MED6: variants seen among roughly 807,000 people sequenced by gnomAD.
The protein encoded by MED6 is mediator of RNA polymerase II transcription subunit 6.
In MED6, 33 loss-of-function variants were observed where a neutral mutation model predicts 37.5. The observed-to-expected ratio is 0.88, with a 90% CI of 0.67 to 1.18. The LOEUF (loss-of-function observed/expected upper bound fraction) is 1.18, where lower values mean the gene tolerates loss of function less well. Ranked by LOEUF, MED6 falls within the 50% of genes most tolerant of loss-of-function variation. The probability of loss-of-function intolerance (pLI) is 0.00; values close to 1 mark genes in which losing one functional copy is unlikely to be tolerated. For missense variants in MED6, 235 were observed against 290.6 expected, an observed-to-expected ratio of 0.81 and a Z score of 1.39; for synonymous variants, 94 against 93.6, an observed-to-expected ratio of 1.00 and a Z score of -0.02.
At chr14:70,594,341 C>A (rs1175275564) in intron 3 of MED6, among the ~76,000 whole-genome samples, 1 of 152,170 alleles carries the variant, frequency 6.6e-6, no homozygotes, top group African/African-American at 2.4e-5. Context: ...GTTTCTAAAC[C>A]AAGCTTTCAG....
Position 70,584,895 on chromosome 14 carries a change from G to A in MED6, c.659C>T (p.Pro220Leu). The change falls in exon 8 of 8, where the codon CCT becomes CTT. Residue 220 changes from proline to leucine, a missense_variant. Coordinates refer to ENST00000256379, the MANE Select transcript of MED6 (RefSeq NM_005466.4). ...EAEPIPETVK[P>L]EEKETTKNVQ... The stretch of plus-strand genomic sequence containing the variant: ...ATTCTTTGTGGTCTCCTTCTCCTCA[G>A]GTTTTACAGTTTCTGGTATAGGTTC... The A allele has an allele frequency of 6.2e-7, 1 of 1,613,896 alleles. No homozygotes were observed. The highest frequency in any genetic ancestry group is 1.1e-5 in the South Asian group (1 of 91,076).
chr14:70,586,932 T>G (rs1321282981), intron 6 of MED6, among the ~76,000 whole-genome samples: 2 of 152,240 alleles, frequency 1.3e-5, no homozygotes, highest in African/African-American at 4.8e-5. Context: ...ACTTGGATTT[T>G]TGGAGGGTTC....
At chr14:70,592,769 T>C in intron 5 of MED6, 111 bp downstream of exon 5, 2 of 1,218,014 alleles carry the variant, frequency 1.6e-6, no homozygotes, top group South Asian at 1.4e-5. Flanking sequence ...CATCATCCCA[T>C]GAAAAAGTGA....
At position 70,597,717 on chromosome 14, in the gene MED6, C is replaced by T; in HGVS notation, c.83G>A (p.Ser28Asn). The change falls in exon 2 of 8, where the codon AGT becomes AAT. Residue 28 changes from serine (S) to asparagine (N), a missense_variant. Coordinates refer to ENST00000256379, the MANE Select transcript of MED6 (RefSeq NM_005466.4). ...TCTTTCTGAAAAGTAATCCAGGACA[C>T]TACCACTGTTCAAAATAGGGATCCA... is the stretch of plus-strand genomic sequence containing the variant. ...SSWIPILNSGSVLDYFSERSN... is the reference protein window; with the variant it reads ...SSWIPILNSGNVLDYFSERSN... 1 of 1,564,164 alleles carries T rather than the reference C, an allele frequency of 6.4e-7. No homozygotes were observed. The highest frequency in any genetic ancestry group is 1.2e-5 in the South Asian group (1 of 81,502).
At chr14:70,597,285 T>C (rs1023570992) in intron 2 of MED6, among the ~76,000 whole-genome samples, 1 of 152,228 alleles carries the variant, frequency 6.6e-6, no homozygotes, top group Non-Finnish European at 1.5e-5. Context: ...TCAACAGTTG[T>C]TTCAAATACT....
chr14:70,584,058 G>A lies in MED6; in HGVS notation c.*755C>T. The A allele has an allele frequency of 1.6e-6, 1 of 607,790 alleles. No individual in the cohort carries two copies. The highest frequency in any genetic ancestry group is 2.2e-5 in the South Asian group (1 of 46,140). 37.6% of individuals were successfully genotyped at this position (607,790 alleles called of 1,614,324 possible). ...GTATTTATAGGGTAATGGTATTGGT[G>A]AGTGAGGTTTTTCCTTTTCTTCATC... is the stretch of plus-strand genomic sequence containing the variant. On this transcript the variant is annotated 3_prime_UTR_variant, in exon 8 of 8. Coordinates refer to ENST00000256379, the MANE Select transcript of MED6 (RefSeq NM_005466.4).
At position 70,596,621 on chromosome 14, in the gene MED6, GGACT is replaced by G; in HGVS notation, c.260_263del (p.Gln87ProfsTer8). 1.9e-6 allele frequency: 3 copies of G among 1,612,286 alleles called. No homozygotes were observed. The highest frequency in any genetic ancestry group is 2.5e-6 in the Non-Finnish European group (3 of 1,178,508). ...GTTTACACATTTTACCTTGGGCAGG[GGACT>G]GCCGCTGTTGCTTCCGAATGATGAA... On this transcript the variant is annotated frameshift_variant, in exon 3 of 8. Transcript: ENST00000256379. LOFTEE classifies it high-confidence loss of function.
chr14:70,592,584 T>C (rs903625888), intron 5 of MED6: 2 of 183,300 alleles, frequency 1.1e-5, no homozygotes, highest in Non-Finnish European at 2.2e-5. Context: ...TGCCTTGGCA[T>C]TCCAAAGTGC....
intron 5 of MED6, chr14:70,592,408 A>G (rs1348547890): frequency 6.5e-6 from 1 of 152,864 alleles, no homozygotes; most frequent in Non-Finnish European, 1.5e-5. Context: ...AGATACCAAG[A>G]TAACTCAACA....
Position 70,596,699 on chromosome 14 carries a change from C to G in MED6, c.186G>C (p.Gln62His), listed in dbSNP as rs1885058953. 2 of 1,612,448 alleles carry G rather than the reference C, an allele frequency of 1.2e-6. No homozygotes were observed. Among genetic ancestry groups the G allele is most frequent in the Admixed American group, 1.7e-5 (1 of 59,934 alleles). The change falls in exon 3 of 8, where the codon CAG becomes CAC. Residue 62 changes from glutamine (Q) to histidine (H), a missense_variant. By Grantham distance (24) the Gln-to-His change is conservative. Coordinates refer to ENST00000256379, the MANE Select transcript of MED6 (RefSeq NM_005466.4). ...MQRLTLEHLN[Q>H]MVGIEYILLH... ...AAAGGATGTACTCGATTCCAACCAT[C>G]TGACTGAAAACAGAACACAGACATC...
intron 6 of MED6, among the ~76,000 whole-genome samples, chr14:70,586,769 C>T (rs1019865267): frequency 3.3e-5 from 5 of 152,306 alleles, no homozygotes; most frequent in Middle Eastern, 3.4e-3. Context: ...CCTACTCCAA[C>T]TGCAAGTCCT....
At chr14:70,594,375 C>T (rs768354264) in intron 3 of MED6, among the ~76,000 whole-genome samples, 1 of 152,156 alleles carries the variant, frequency 6.6e-6, no homozygotes, top group Non-Finnish European at 1.5e-5. Flanking sequence ...CCACGCAAGG[C>T]TTTTAGTTGA....
At chr14:70,589,806 G>A (rs938367165) in intron 6 of MED6, among the ~76,000 whole-genome samples, 1 of 152,046 alleles carries the variant, frequency 6.6e-6, no homozygotes, top group South Asian at 2.1e-4. Flanking sequence ...CAAACACAGA[G>A]TAAACCTTCA....
chr14:70,594,157 G>C (rs1884971957), intron 3 of MED6, among the ~76,000 whole-genome samples: 1 of 152,178 alleles, frequency 6.6e-6, no homozygotes, highest in Non-Finnish European at 1.5e-5. Context: ...ATCCAATTGA[G>C]AGATGTAGCT....
chr14:70,593,191 T>G (rs1274425406), intron 4 of MED6, 105 bp downstream of exon 4: 1 of 1,255,132 alleles, frequency 8.0e-7, no homozygotes, highest in Non-Finnish European at 1.1e-6. Context: ...TAGTCAATAC[T>G]TTATAGCAAC....
In MED6 at chr14:70,597,476, T is replaced by A. The variant is rs184821479; in HGVS notation, c.182+142A>T. The A allele has an allele frequency of 1.5e-3, 814 of 534,330 alleles. 6 individuals carry two copies. Among genetic ancestry groups the A allele is most frequent in the African/African-American group, 0.015 (761 of 50,274 alleles). The allele number at this position is 534,330 out of a possible 1,614,324, so 33.1% of individuals were successfully genotyped here. A position where few individuals can be genotyped will look rare whatever the true frequency, so the allele number is the denominator to read the frequency against. On this transcript the variant is annotated intron_variant, in intron 2 of 7. Transcript: ENST00000256379. ...AGTGAATACTAATAGTTACCCTGCA[T>A]GTCAAATTTGCATAAACCCAAACAA...
intron 6 of MED6, among the ~76,000 whole-genome samples, chr14:70,588,823 G>T (rs1595047989): frequency 6.6e-6 from 1 of 151,524 alleles, no homozygotes; most frequent in Admixed American, 6.6e-5. Flanking sequence ...GGTAGAGGGG[G>T]TTTCATTTTT....
At chr14:70,599,625 C>A (rs1262777127) in intron 1 of MED6, among the ~76,000 whole-genome samples, 1 of 152,184 alleles carries the variant, frequency 6.6e-6, no homozygotes, top group African/African-American at 2.4e-5. Context: ...GCCACACTGA[C>A]CTCCTTGCTG....
intron 5 of MED6, 147 bp downstream of exon 5, chr14:70,592,728 CTAGTT>C (rs1192014580): frequency 1.4e-6 from 1 of 703,684 alleles, no homozygotes; most frequent in Non-Finnish European, 2.3e-6. Flanking sequence ...ATTACCACAT[CTAGTT>C]ACATGAATCT....
Sources: gnomAD v4.1 joint callset for allele counts (sites outside exome capture counted in the v4.1 genomes callset) on GRCh38, gnomAD v4.1.1 for gene constraint, MANE v1.5 for transcripts, NCBI Gene and HGNC (gene_info 2026-07-23, HGNC 2026-07-21) for gene names.